The following SPATS2 variants were observed in gnomAD, a reference collection of about 807,000 sequenced individuals.
SPATS2 encodes spermatogenesis-associated serine-rich protein 2.
In SPATS2, 38 loss-of-function variants were observed where a neutral mutation model predicts 63.7. That is an observed-to-expected ratio of 0.60 (90% CI 0.46 to 0.78). The LOEUF (loss-of-function observed/expected upper bound fraction) is 0.78, where lower values mean the gene tolerates loss of function less well. Ranked by LOEUF, SPATS2 falls within the 30% of genes least tolerant of loss-of-function variation. The pLI is 0.00. For synonymous variants in SPATS2, 207 were observed against 232.9 expected, an observed-to-expected ratio of 0.89 and a Z score of 1.01; for missense variants, 588 against 666.2, an observed-to-expected ratio of 0.88 and a Z score of 1.29.
chr12:49,433,625 A>G (rs750724447), intron 2 of SPATS2, among the ~76,000 whole-genome samples: 6 of 151,086 alleles, frequency 4.0e-5, no homozygotes, highest in Admixed American at 3.3e-4. Context: ...TGCCTATTGT[A>G]CAGTTGGGTT....
At chr12:49,473,048 C>CA (rs34734137) in intron 3 of SPATS2, among the ~76,000 whole-genome samples, 1,768 of 83,466 alleles carry the variant, frequency 0.021, 22 homozygotes, top group East Asian at 0.075. Context: ...GACCCTGTCT[C>CA]AAAAAAAAAA....
At chr12:49,376,439 C>G (rs1465812423) in intron 2 of SPATS2, among the ~76,000 whole-genome samples, 1 of 151,742 alleles carries the variant, frequency 6.6e-6, no homozygotes, top group South Asian at 2.1e-4. Context: ...CTTCGTCGCT[C>G]AAGTTGGAGT....
chr12:49,513,900 T>C (rs1474043315), intron 9 of SPATS2, among the ~76,000 whole-genome samples: 2 of 152,118 alleles, frequency 1.3e-5, no homozygotes, highest in African/African-American at 4.8e-5. Flanking sequence ...CTCACACCTG[T>C]AATCCCAGCA....
chr12:49,459,692 T>C (rs1193424373), intron 2 of SPATS2, among the ~76,000 whole-genome samples: 5 of 145,828 alleles, frequency 3.4e-5, no homozygotes, highest in Admixed American at 2.8e-4. Context: ...TTCGTGCCTC[T>C]AAGTCCATTC....
chr12:49,435,631 A>G (rs1315916599), intron 2 of SPATS2, among the ~76,000 whole-genome samples: 4 of 141,408 alleles, frequency 2.8e-5, no homozygotes, highest in Non-Finnish European at 6.0e-5. Flanking sequence ...CGGCTACTGA[A>G]TGGTTTCTTT....
chr12:49,409,592 ATTTTTTTTT>A (rs753378038), intron 2 of SPATS2, among the ~76,000 whole-genome samples: 2 of 73,562 alleles, frequency 2.7e-5, no homozygotes, highest in Non-Finnish European at 5.1e-5. Flanking sequence ...GTGCCCAGCA[ATTTTTTTTT>A]TTTTTTTTTT....
rs71439499 is a variant in SPATS2 at position 49,442,786 on chromosome 12, TAAAAAAAAAAAAAAAAAAAAA to T, written c.-243-17968_-243-17948del. 6 of 27,122 alleles carry T rather than the reference TAAAAAAAAAAAAAAAAAAAAA, an allele frequency of 2.2e-4. 1 individual carries two copies. Among genetic ancestry groups the T allele is most frequent in the Admixed American group, 9.2e-4 (2 of 2,170 alleles). The allele number at this position is 27,122 out of a possible 1,614,324, so 1.7% of individuals were successfully genotyped here. On this transcript the variant is annotated intron_variant, in intron 2 of 13. Coordinates refer to ENST00000552918, the MANE Select transcript of SPATS2 (RefSeq NM_023071.4). ...GCAACAGAGAGAGACCATGTCTCCT[TAAAAAAAAAAAAAAAAAAAAA>T]AAAAAAAAAAAAAAATTACATTCAC...
At chr12:49,468,278 G>A (rs1945965735) in intron 3 of SPATS2, among the ~76,000 whole-genome samples, 1 of 150,110 alleles carries the variant, frequency 6.7e-6, no homozygotes, top group Non-Finnish European at 1.5e-5. Flanking sequence ...TCCTGCCTCA[G>A]CCTCCTGAGT....
At chr12:49,477,580 C>T (rs1011965684) in intron 3 of SPATS2, among the ~76,000 whole-genome samples, 13 of 152,086 alleles carry the variant, frequency 8.5e-5, no homozygotes, top group African/African-American at 1.9e-4. Flanking sequence ...TTACAACCTC[C>T]GGAGAGGATA....
At chr12:49,401,768 G>T (rs968008651) in intron 2 of SPATS2, among the ~76,000 whole-genome samples, 1 of 152,120 alleles carries the variant, frequency 6.6e-6, no homozygotes, top group Non-Finnish European at 1.5e-5. Flanking sequence ...CACGATCTCA[G>T]CTCACTGCAA....
intron 13 of SPATS2, 52 bp from the exon 14 acceptor site, chr12:49,525,892 T>C: frequency 6.4e-7 from 1 of 1,568,826 alleles, no homozygotes; most frequent in Non-Finnish European, 8.7e-7. Context: ...AGTGAACGAA[T>C]GGGGTACCAT....
In SPATS2 at chr12:49,489,569, G is replaced by T; in HGVS notation, c.210G>T (p.Met70Ile). 1 of 1,609,312 alleles carries T rather than the reference G, an allele frequency of 6.2e-7. No individual in the cohort carries two copies. The highest frequency in any genetic ancestry group is 1.1e-5 in the South Asian group (1 of 89,766). The change falls in exon 5 of 14, where the codon ATG (methionine) becomes ATT (isoleucine). Residue 70 changes from methionine to isoleucine, a missense_variant. By Grantham distance (10) the Met-to-Ile change is conservative. Transcript: ENST00000552918. ...TGGACAAAACAGTACAAGCATTCATGGAAGGTAATCCTGACTTAATTTTAA... is the reference window on the plus strand; with the variant it reads ...TGGACAAAACAGTACAAGCATTCATTGAAGGTAATCCTGACTTAATTTTAA... ...NCVDKTVQAF[M>I]EGSASEVLKE...
intron 2 of SPATS2, among the ~76,000 whole-genome samples, chr12:49,398,135 C>CAAAAAAAAAAAAAAAAAAAAAA (rs71080193): frequency 2.2e-5 from 1 of 45,394 alleles, no homozygotes. Context: ...GACCCTGTCT[C>CAAAAAAAAAAAAAAAAAAAAAA]AAAAAAAAAA....
intron 3 of SPATS2, among the ~76,000 whole-genome samples, chr12:49,467,729 C>T (rs1027157582): frequency 4.6e-5 from 7 of 152,082 alleles, no homozygotes; most frequent in South Asian, 4.2e-4. Flanking sequence ...GACGGAGTCT[C>T]GCTCTGTCGC....
intron 9 of SPATS2, among the ~76,000 whole-genome samples, chr12:49,501,105 C>G (rs1048896146): frequency 5.3e-5 from 8 of 152,146 alleles, no homozygotes; most frequent in Admixed American, 1.3e-4. Context: ...GCATGTACCA[C>G]CACACCTGGC....
intron 2 of SPATS2, among the ~76,000 whole-genome samples, chr12:49,445,307 G>A (rs1945491446): frequency 6.6e-6 from 1 of 152,028 alleles, no homozygotes; most frequent in African/African-American, 2.4e-5. Context: ...ATGGGTATGG[G>A]TGCGTGAAAA....
chr12:49,480,624 C>G (rs183456838), intron 3 of SPATS2, among the ~76,000 whole-genome samples: 1 of 152,200 alleles, frequency 6.6e-6, no homozygotes, highest in African/African-American at 2.4e-5. Context: ...GGTGACATTT[C>G]TTTTGTGTGT....
intron 2 of SPATS2, among the ~76,000 whole-genome samples, chr12:49,413,189 G>A (rs1318001485): frequency 6.6e-6 from 1 of 152,020 alleles, no homozygotes; most frequent in Non-Finnish European, 1.5e-5. Flanking sequence ...TCATGTAGTT[G>A]TAGTCAGATG....
At chr12:49,466,323 C>T (rs534551978) in intron 3 of SPATS2, among the ~76,000 whole-genome samples, 11 of 151,986 alleles carry the variant, frequency 7.2e-5, no homozygotes, top group Non-Finnish European at 1.0e-4. Flanking sequence ...CCACCACGCC[C>T]GGCTAATTTT....
Sources: allele counts gnomAD v4.1 joint callset (sites outside exome capture counted in the v4.1 genomes callset), GRCh38; gene constraint gnomAD v4.1.1; transcripts MANE v1.5; gene names NCBI Gene and HGNC (gene_info 2026-07-23, HGNC 2026-07-21).